Variants in MECOM observed in about 807,000 individuals in gnomAD.
MECOM encodes histone-lysine N-methyltransferase MECOM.
In MECOM, 13 loss-of-function variants were observed where a neutral mutation model predicts 116.3. That is an observed-to-expected ratio of 0.11 (90% CI 0.07 to 0.18). MECOM has a LOEUF of 0.18. Among genes scored for constraint, MECOM ranks in the 10% least tolerant of loss-of-function variants. The pLI, the probability that MECOM is intolerant of heterozygous loss-of-function variation, is 1.00. For synonymous variants in MECOM, 528 were observed against 535.2 expected (o/e 0.99, Z 0.19); for missense variants, 1,299 against 1,509.0 (o/e 0.86, Z 2.31).
intron 1 of MECOM, among the ~76,000 whole-genome samples, chr3:169,514,150 T>G (rs927373901): frequency 2.6e-5 from 4 of 152,218 alleles, no homozygotes; most frequent in Admixed American, 6.5e-5. Context: ...CTTTACATTT[T>G]TGAGTGTGAA....
chr3:169,245,916 G>A (rs1452122277), intron 2 of MECOM, among the ~76,000 whole-genome samples: 1 of 152,184 alleles, frequency 6.6e-6, no homozygotes, highest in Non-Finnish European at 1.5e-5. Flanking sequence ...TATAATCTAT[G>A]TGGCACAGCC....
At chr3:169,360,454 T>C (rs551843195) in intron 2 of MECOM, among the ~76,000 whole-genome samples, 164 of 151,780 alleles carry the variant, frequency 1.1e-3, no homozygotes, top group African/African-American at 3.8e-3. Context: ...TCTGAATCTA[T>C]GAATCCTCAA....
At position 169,102,094 on chromosome 3, in the gene MECOM, G is replaced by C; in HGVS notation, c.2737C>G (p.Leu913Val). ...RAPPNALPEN[L>V]LRKGKERYTC... Reference sequence around the variant, plus strand: ...TAGCGCTCCTTTCCCTTCCGCAGAAGGTTCTCTGGCAGGGCATTGGGAGGC... The same window carrying C: ...TAGCGCTCCTTTCCCTTCCGCAGAACGTTCTCTGGCAGGGCATTGGGAGGC... The change falls in exon 11 of 17, where the codon CTT becomes GTT. Residue 913 changes from leucine to valine, a missense_variant. Around this residue, in one of 6 missense-constraint regions of MECOM, gnomAD observed 340 missense variants for 312.6 expected, o/e 1.09. Transcript: ENST00000651503. 1.2e-6 allele frequency: 2 copies of C among 1,613,618 alleles called. No homozygotes were observed. Among genetic ancestry groups the C allele is most frequent in the Non-Finnish European group, 1.7e-6 (2 of 1,179,788 alleles).
At chr3:169,486,037 A>AG in intron 1 of MECOM, among the ~76,000 whole-genome samples, 1 of 135,890 alleles carries the variant, frequency 7.4e-6, no homozygotes, top group South Asian at 2.2e-4. Context: ...GTATATATAT[A>AG]TATGTATATA....
chr3:169,455,051 A>G (rs989068965), intron 1 of MECOM, among the ~76,000 whole-genome samples: 1 of 152,184 alleles, frequency 6.6e-6, no homozygotes, highest in Non-Finnish European at 1.5e-5. Flanking sequence ...TCCAGGATAT[A>G]AAATTCAGGA....
At chr3:169,626,946 C>G (rs1056890590) in intron 1 of MECOM, among the ~76,000 whole-genome samples, 14 of 152,026 alleles carry the variant, frequency 9.2e-5, no homozygotes, top group Admixed American at 9.2e-4. Flanking sequence ...TGAGTACACA[C>G]ACATGCACAA....
At chr3:169,356,703 A>G (rs1727342204) in intron 2 of MECOM, among the ~76,000 whole-genome samples, 1 of 151,946 alleles carries the variant, frequency 6.6e-6, no homozygotes, top group Admixed American at 6.6e-5. Flanking sequence ...CAAGCAAGGT[A>G]GTGGACGTCC....
chr3:169,428,309 G>A (rs1325613352), intron 1 of MECOM, among the ~76,000 whole-genome samples: 1 of 152,182 alleles, frequency 6.6e-6, no homozygotes, highest in Non-Finnish European at 1.5e-5. Context: ...GGACTGTGGG[G>A]GGTTGGTTTT....
At chr3:169,472,286 C>T (rs1198297803) in intron 1 of MECOM, among the ~76,000 whole-genome samples, 3 of 144,322 alleles carry the variant, frequency 2.1e-5, no homozygotes, top group Non-Finnish European at 4.5e-5. Context: ...AAAAAAAAAA[C>T]AATAATAATA....
intron 2 of MECOM, among the ~76,000 whole-genome samples, chr3:169,225,373 G>C (rs1752611003): frequency 6.6e-6 from 1 of 152,136 alleles, no homozygotes; most frequent in South Asian, 2.1e-4. Flanking sequence ...CCAAACCAAT[G>C]GGGATAGAGT....
chr3:169,290,337 G>A (rs1469398323), intron 2 of MECOM, among the ~76,000 whole-genome samples: 3 of 152,104 alleles, frequency 2.0e-5, no homozygotes, highest in African/African-American at 7.2e-5. Context: ...TTTTTAAAAA[G>A]TCAACATTAT....
intron 2 of MECOM, among the ~76,000 whole-genome samples, chr3:169,265,773 A>G (rs745757305): frequency 2.0e-5 from 3 of 152,238 alleles, no homozygotes; most frequent in Non-Finnish European, 2.9e-5. Flanking sequence ...TTTCTCATGC[A>G]GGTGGCATAT....
chr3:169,452,122 C>T (rs529230294), intron 1 of MECOM, among the ~76,000 whole-genome samples: 1 of 152,032 alleles, frequency 6.6e-6, no homozygotes, highest in South Asian at 2.1e-4. Flanking sequence ...TTCCAATAGA[C>T]ATCAATCAAT....
intron 1 of MECOM, among the ~76,000 whole-genome samples, chr3:169,531,932 G>T (rs551084794): frequency 6.6e-6 from 1 of 152,142 alleles, no homozygotes; most frequent in Admixed American, 6.6e-5. Flanking sequence ...AAGGATCTGG[G>T]TTCACAATCC....
At chr3:169,247,013 T>C (rs1755667098) in intron 2 of MECOM, among the ~76,000 whole-genome samples, 1 of 151,924 alleles carries the variant, frequency 6.6e-6, no homozygotes, top group African/African-American at 2.4e-5. Context: ...TTTAAAGAGA[T>C]TTTTTTAAGG....
At chr3:169,104,738 T>A (rs1035031436) in intron 10 of MECOM, among the ~76,000 whole-genome samples, 12 of 152,276 alleles carry the variant, frequency 7.9e-5, no homozygotes, top group African/African-American at 2.9e-4. Flanking sequence ...TCAGCACACA[T>A]AAACCACAAG....
intron 2 of MECOM, among the ~76,000 whole-genome samples, chr3:169,179,208 G>T (rs1745618591): frequency 6.6e-6 from 1 of 151,998 alleles, no homozygotes; most frequent in African/African-American, 2.4e-5. Context: ...TGTAATTTAT[G>T]TTTAAACAAA....
At chr3:169,621,552 T>C (rs970354596) in intron 1 of MECOM, among the ~76,000 whole-genome samples, 1 of 151,488 alleles carries the variant, frequency 6.6e-6, no homozygotes, top group Non-Finnish European at 1.5e-5. Flanking sequence ...AGGTCAGGAG[T>C]TCAAGACCAG....
chr3:169,122,869 T>A (rs1731510826), intron 5 of MECOM, 142 bp from the exon 6 acceptor site: 1 of 909,080 alleles, frequency 1.1e-6, no homozygotes, highest in East Asian at 2.6e-5. Flanking sequence ...AGAAACAGGC[T>A]TGTGACAGAC....
Sources: allele counts gnomAD v4.1 joint callset (sites outside exome capture counted in the v4.1 genomes callset), GRCh38; gene constraint gnomAD v4.1.1; regional missense constraint gnomAD v4.1.1; transcripts MANE v1.5; gene names NCBI Gene and HGNC (gene_info 2026-07-23, HGNC 2026-07-21).